Variants in ATP8A2 observed in about 807,000 individuals in gnomAD.
The protein encoded by ATP8A2 is phospholipid-transporting ATPase IB.
A neutral mutation model predicts 165.6 loss-of-function variants in ATP8A2; 100 were observed. That is an observed-to-expected ratio of 0.60 (90% CI 0.51 to 0.71). The LOEUF is 0.71. ATP8A2 is among the 30% of genes least tolerant of loss of function. The probability of loss-of-function intolerance (pLI) is 0.00; values close to 1 mark genes in which losing one functional copy is unlikely to be tolerated. For synonymous variants in ATP8A2, 543 were observed against 548.8 expected (o/e 0.99, Z 0.15); for missense variants, 1,227 against 1,479.5 (o/e 0.83, Z 2.80).
At chr13:25,489,372 C>T (rs2036450684) in intron 2 of ATP8A2, among the ~76,000 whole-genome samples, 1 of 152,174 alleles carries the variant, frequency 6.6e-6, no homozygotes, top group African/African-American at 2.4e-5. Context: ...TTTTCAGGCT[C>T]AGGTTGCATC....
At chr13:25,525,120 A>G (rs988058119) in intron 2 of ATP8A2, among the ~76,000 whole-genome samples, 48 of 152,092 alleles carry the variant, frequency 3.2e-4, no homozygotes, top group African/African-American at 1.1e-3. Flanking sequence ...AGTTATTTTT[A>G]AAGAGATGAC....
At chr13:25,641,903 A>T (rs949850487) in intron 24 of ATP8A2, among the ~76,000 whole-genome samples, 2 of 152,150 alleles carry the variant, frequency 1.3e-5, no homozygotes, top group African/African-American at 4.8e-5. Flanking sequence ...CAAAACAGAG[A>T]TATCGACCAA....
At chr13:25,497,093 G>T (rs1160310299) in intron 2 of ATP8A2, among the ~76,000 whole-genome samples, 1 of 152,174 alleles carries the variant, frequency 6.6e-6, no homozygotes, top group Non-Finnish European at 1.5e-5. Context: ...CTTCATGTGA[G>T]CAGGTGGTGG....
chr13:25,985,697 A>G (rs1037025928), intron 35 of ATP8A2, among the ~76,000 whole-genome samples: 3 of 152,206 alleles, frequency 2.0e-5, no homozygotes, highest in African/African-American at 7.2e-5. Context: ...AATGGGGACT[A>G]TGGGCATCCT....
intron 1 of ATP8A2, among the ~76,000 whole-genome samples, chr13:25,448,146 C>T (rs1206929011): frequency 6.6e-6 from 1 of 152,184 alleles, no homozygotes; most frequent in Non-Finnish European, 1.5e-5. Context: ...GCCAGGGACT[C>T]TGTCCTTTTC....
chr13:25,689,660 T>A (rs1244455896), intron 24 of ATP8A2, among the ~76,000 whole-genome samples: 1 of 152,178 alleles, frequency 6.6e-6, no homozygotes, highest in African/African-American at 2.4e-5. Context: ...TATTCCTAGT[T>A]GGAGTGATGA....
intron 2 of ATP8A2, among the ~76,000 whole-genome samples, chr13:25,519,798 C>T (rs369135265): frequency 1.7e-4 from 26 of 152,260 alleles, no homozygotes; most frequent in African/African-American, 6.0e-4. Context: ...GGCTTATTTA[C>T]TTGGGTGAAT....
At chr13:26,018,737 C>A (rs1481035738) in intron 36 of ATP8A2, among the ~76,000 whole-genome samples, 1 of 152,164 alleles carries the variant, frequency 6.6e-6, no homozygotes, top group Non-Finnish European at 1.5e-5. Flanking sequence ...AGTGTGGACC[C>A]TGGGTTTGCT....
At chr13:25,904,536 C>T (rs1953870705) in intron 33 of ATP8A2, among the ~76,000 whole-genome samples, 1 of 152,298 alleles carries the variant, frequency 6.6e-6, no homozygotes, top group African/African-American at 2.4e-5. Context: ...TGTTGTCTTC[C>T]CTTGGGTGTG....
At chr13:25,412,536 A>G (rs1478213200) in intron 1 of ATP8A2, among the ~76,000 whole-genome samples, 3 of 152,234 alleles carry the variant, frequency 2.0e-5, no homozygotes, top group African/African-American at 7.2e-5. Context: ...CAAAACACCT[A>G]CTATCCACAG....
chr13:25,382,874 G>GC (rs1163655814), intron 1 of ATP8A2, among the ~76,000 whole-genome samples: 10 of 151,490 alleles, frequency 6.6e-5, no homozygotes, highest in Admixed American at 2.6e-4. Context: ...TCCTGCCTCA[G>GC]CCTCCCGAGT....
chr13:26,020,254 G>A lies in ATP8A2; in HGVS notation c.*269G>A, dbSNP rs1237500328. On this transcript the variant is annotated 3_prime_UTR_variant, in exon 37 of 37. Transcript: ENST00000381655. ...GTTATGAAGCATTCAACTGTGCTCT[G>A]TGAGGTGTGAAATTAAAAACATTAT... 4.8e-5 allele frequency: 22 copies of A among 462,710 alleles called. No homozygotes were observed. Among genetic ancestry groups the A allele is most frequent in the Non-Finnish European group, 7.7e-5 (20 of 259,100 alleles). 28.7% of individuals were successfully genotyped at this position (462,710 alleles called of 1,614,324 possible). A position where few individuals can be genotyped will look rare whatever the true frequency, so the allele number is the denominator to read the frequency against.
At chr13:25,898,321 G>A (rs1953626086) in intron 33 of ATP8A2, among the ~76,000 whole-genome samples, 1 of 152,218 alleles carries the variant, frequency 6.6e-6, no homozygotes, top group Non-Finnish European at 1.5e-5. Flanking sequence ...CGTATCAGCA[G>A]CGGTGGCTGC....
chr13:25,621,536 A>C (rs1156996994), intron 24 of ATP8A2, among the ~76,000 whole-genome samples: 1 of 152,142 alleles, frequency 6.6e-6, no homozygotes, highest in Non-Finnish European at 1.5e-5. Context: ...ATCAGACTGA[A>C]ATCCGTCCTG....
rs1161120241 is a variant in ATP8A2 at position 25,372,209 on chromosome 13, C to T, written c.-4C>T. ...GGGGCCGCCGAGCCCCCGACACGGG[C>T]GAGATGCTGAACGGCGCAGGCCTGG... On this transcript the variant is annotated 5_prime_UTR_variant, in exon 1 of 37. The change creates a premature stop within an existing upstream ORF in the 5' untranslated region. Coordinates refer to ENST00000381655, the MANE Select transcript of ATP8A2 (RefSeq NM_016529.6). The surrounding 1 kb of genome is among the most constrained non-coding windows in gnomAD (Gnocchi z 4.8). 2 of 1,439,922 alleles carry T rather than the reference C, an allele frequency of 1.4e-6. No individual in the cohort carries two copies. Among genetic ancestry groups the T allele is most frequent in the Non-Finnish European group, 1.8e-6 (2 of 1,086,774 alleles). 89.2% of individuals were successfully genotyped at this position (1,439,922 alleles called of 1,614,324 possible).
In ATP8A2 at chr13:25,659,684, CTT is replaced by C. The variant is rs1206779111; in HGVS notation, c.2212-39486_2212-39485del. Among the ~76,000 whole-genome samples, 3 of 152,226 alleles carry C rather than the reference CTT, an allele frequency of 2.0e-5. No homozygotes were observed. In the East Asian group the frequency reaches 5.8e-4, roughly 29 times the overall value. ...GGGGGAAAAAGAAAAAGTAAGCTGA[CTT>C]TTATTTTTTCAAGTCACTTTCCTAA... On this transcript the variant is annotated intron_variant, in intron 24 of 36. Transcript: ENST00000381655.
chr13:25,654,960 G>A (rs747249381), intron 24 of ATP8A2, among the ~76,000 whole-genome samples: 9 of 152,146 alleles, frequency 5.9e-5, no homozygotes, highest in Non-Finnish European at 8.8e-5. Flanking sequence ...TATGTTAACT[G>A]CCCAGTGTAC....
intron 24 of ATP8A2, among the ~76,000 whole-genome samples, chr13:25,677,201 A>T (rs1205961831): frequency 6.6e-6 from 1 of 152,128 alleles, no homozygotes; most frequent in Non-Finnish European, 1.5e-5. Flanking sequence ...TTTAAACTCA[A>T]ATTAATTAAT....
At chr13:25,531,104 GCT>G (rs2038017293) in intron 4 of ATP8A2, among the ~76,000 whole-genome samples, 1 of 147,404 alleles carries the variant, frequency 6.8e-6, no homozygotes, top group Non-Finnish European at 1.5e-5. Context: ...TGTCTTTCTT[GCT>G]CTGTCTCCCC....
Sources: gnomAD v4.1 joint callset for allele counts (sites outside exome capture counted in the v4.1 genomes callset) on GRCh38, gnomAD v4.1.1 for gene constraint, Gnocchi (gnomAD v3.1) non-coding constraint, MANE v1.5 for transcripts, NCBI Gene and HGNC (gene_info 2026-07-23, HGNC 2026-07-21) for gene names.